The following SYT1 variants were observed in gnomAD, a reference collection of about 807,000 sequenced individuals.
SYT1 encodes the protein synaptotagmin 1.
SYT1 carries 8 observed loss-of-function variants against 44.8 expected under a neutral mutation model. The ratio of observed to expected loss-of-function variants is 0.18; its 90% CI spans 0.10 to 0.32. The LOEUF (loss-of-function observed/expected upper bound fraction) is 0.32, where lower values mean the gene tolerates loss of function less well. SYT1 is among the 10% of genes least tolerant of loss of function. The probability of loss-of-function intolerance (pLI) is 1.00; values close to 1 mark genes in which losing one functional copy is unlikely to be tolerated. For synonymous variants in SYT1, 154 were observed against 188.8 expected, an observed-to-expected ratio of 0.82 and a Z score of 1.51; for missense variants, 286 against 509.3, an observed-to-expected ratio of 0.56 and a Z score of 4.22.
chr12:79,168,428 C>T (rs1438698490), intron 3 of SYT1, among the ~76,000 whole-genome samples: 1 of 151,986 alleles, frequency 6.6e-6, no homozygotes, highest in Non-Finnish European at 1.5e-5. Context: ...AATAAACCCA[C>T]CAAGTGATAG....
intron 3 of SYT1, among the ~76,000 whole-genome samples, chr12:79,172,582 A>AGTT (rs1233261894): frequency 1.3e-5 from 2 of 151,908 alleles, no homozygotes; most frequent in African/African-American, 4.8e-5. Flanking sequence ...TTTTCCCTAA[A>AGTT]GAATGGGGTT....
chr12:79,404,109 G>T (rs1454172792), intron 9 of SYT1, among the ~76,000 whole-genome samples: 10 of 152,064 alleles, frequency 6.6e-5, no homozygotes, highest in African/African-American at 2.4e-4. Flanking sequence ...AAAGAAACTT[G>T]GCCTCTGAGT....
At chr12:79,390,667 C>A (rs1275735233) in intron 9 of SYT1, among the ~76,000 whole-genome samples, 1 of 152,108 alleles carries the variant, frequency 6.6e-6, no homozygotes, top group East Asian at 1.9e-4. Context: ...TATAGTTATG[C>A]CATAATTTTG....
chr12:78,947,232 CT>C (rs1878707092), intron 1 of SYT1, among the ~76,000 whole-genome samples: 2 of 152,086 alleles, frequency 1.3e-5, no homozygotes, highest in South Asian at 4.1e-4. Context: ...ATTTCTTGAG[CT>C]TTTAGGTACA....
intron 3 of SYT1, among the ~76,000 whole-genome samples, chr12:79,103,286 T>G (rs1878536912): frequency 6.6e-6 from 1 of 152,158 alleles, no homozygotes; most frequent in Admixed American, 6.5e-5. Flanking sequence ...CATTACCACT[T>G]TTAAAATAAA....
intron 1 of SYT1, among the ~76,000 whole-genome samples, chr12:78,895,264 C>T (rs1235744988): frequency 6.6e-6 from 1 of 151,438 alleles, no homozygotes; most frequent in Non-Finnish European, 1.5e-5. Context: ...TTTCATAAAA[C>T]TAATTTGTGA....
At chr12:78,990,293 C>T (rs1477778065) in intron 2 of SYT1, among the ~76,000 whole-genome samples, 1 of 152,100 alleles carries the variant, frequency 6.6e-6, no homozygotes, top group African/African-American at 2.4e-5. Context: ...AAGCAGGCCT[C>T]TATCCTCAAA....
intron 3 of SYT1, among the ~76,000 whole-genome samples, chr12:79,120,659 A>G (rs893362960): frequency 6.6e-6 from 1 of 152,172 alleles, no homozygotes; most frequent in African/African-American, 2.4e-5. Flanking sequence ...AACTGTAAGC[A>G]TCAAAGAAAT....
chr12:79,155,503 G>C (rs185673303), intron 3 of SYT1, among the ~76,000 whole-genome samples: 1 of 152,278 alleles, frequency 6.6e-6, no homozygotes, highest in African/African-American at 2.4e-5. Flanking sequence ...TTTTAAAATA[G>C]GGTAAAACTT....
intron 3 of SYT1, among the ~76,000 whole-genome samples, chr12:79,202,006 T>C (rs1873817731): frequency 6.6e-6 from 1 of 152,170 alleles, no homozygotes; most frequent in African/African-American, 2.4e-5. Context: ...AATTATAGTA[T>C]CTATAATTAC....
intron 4 of SYT1, among the ~76,000 whole-genome samples, chr12:79,220,517 A>G (rs1447085103): frequency 6.6e-6 from 1 of 151,352 alleles, no homozygotes; most frequent in Non-Finnish European, 1.5e-5. Context: ...TTTATTTAAG[A>G]TTTTTCTTCC....
chr12:79,158,054 C>A (rs530994937), intron 3 of SYT1, among the ~76,000 whole-genome samples: 1 of 151,964 alleles, frequency 6.6e-6, no homozygotes, highest in East Asian at 1.9e-4. Flanking sequence ...GGGGAATGAA[C>A]GGGGTGGTTT....
chr12:78,958,600 C>T (rs1254170389), intron 1 of SYT1, among the ~76,000 whole-genome samples: 1 of 151,862 alleles, frequency 6.6e-6, no homozygotes, highest in African/African-American at 2.4e-5. Flanking sequence ...GAGGCTAAAG[C>T]ATGAGAATCA....
chr12:79,173,255 T>G (rs997886715), intron 3 of SYT1, among the ~76,000 whole-genome samples: 1 of 152,006 alleles, frequency 6.6e-6, no homozygotes, highest in African/African-American at 2.4e-5. Context: ...AATGCTCCCC[T>G]GCAAGTTCCC....
At chr12:78,940,433 A>G (rs1565728193) in intron 1 of SYT1, among the ~76,000 whole-genome samples, 1 of 152,206 alleles carries the variant, frequency 6.6e-6, no homozygotes, top group Non-Finnish European at 1.5e-5. Context: ...CCTATTGCCC[A>G]GTCTACAGTG....
chr12:79,290,311 G>A (rs1684122248), intron 5 of SYT1, among the ~76,000 whole-genome samples: 1 of 152,158 alleles, frequency 6.6e-6, no homozygotes, highest in African/African-American at 2.4e-5. Context: ...AGTTAACCGG[G>A]TGAAGCCAAA....
At chr12:78,873,624 A>G (rs1404612971) in intron 1 of SYT1, among the ~76,000 whole-genome samples, 1 of 151,670 alleles carries the variant, frequency 6.6e-6, no homozygotes, top group Admixed American at 6.6e-5. Flanking sequence ...GATTGTAATC[A>G]TAAGTGTTGT....
Position 79,015,237 on chromosome 12 carries a change from G to T in SYT1, c.-83-32060G>T, listed in dbSNP as rs541526630. 1.2e-4 allele frequency among the ~76,000 whole-genome samples: 18 copies of T among 151,842 alleles called. No individual in the cohort carries two copies. In the South Asian group the frequency reaches 1.9e-3, roughly 16 times the overall value. On this transcript the variant is annotated intron_variant, in intron 2 of 10. Transcript: ENST00000261205. Reference sequence around the variant, plus strand: ...AATAATAAAATAAAAAATAAAAAAAGAAAATGCATTCTAAAACTTTGATAT... The same window carrying T: ...AATAATAAAATAAAAAATAAAAAAATAAAATGCATTCTAAAACTTTGATAT...
intron 3 of SYT1, among the ~76,000 whole-genome samples, chr12:79,057,701 C>T (rs1455922282): frequency 6.6e-6 from 1 of 151,846 alleles, no homozygotes; most frequent in African/African-American, 2.4e-5. Context: ...CTTAGACTCA[C>T]CATGCAGGGG....
Sources: gnomAD v4.1 joint callset for allele counts (sites outside exome capture counted in the v4.1 genomes callset) on GRCh38, gnomAD v4.1.1 for gene constraint, MANE v1.5 for transcripts, NCBI Gene and HGNC (gene_info 2026-07-23, HGNC 2026-07-21) for gene names.